MAN2B2: variants seen among roughly 807,000 people sequenced by gnomAD.
The protein encoded by MAN2B2 is mannosidase alpha class 2B member 2.
Under a neutral mutation model 117.1 loss-of-function variants are expected in MAN2B2, and 106 were observed. The observed-to-expected ratio is 0.90, with a 90% confidence interval of 0.77 to 1.06. MAN2B2 has a LOEUF of 1.06. MAN2B2 is among the 50% of genes least tolerant of loss of function. MAN2B2 has a pLI of 0.00. For missense variants in MAN2B2, 1,326 were observed against 1,381.4 expected, an observed-to-expected ratio of 0.96 and a Z score of 0.64; for synonymous variants, 544 against 595.1, an observed-to-expected ratio of 0.91 and a Z score of 1.25.
In MAN2B2 at chr4:6,596,956, G is replaced by T. The variant is rs138473066; in HGVS notation, c.1058-157G>T. 5.6e-4 allele frequency among the ~76,000 whole-genome samples: 86 copies of T among 152,282 alleles called. No individual in the cohort carries two copies. In the East Asian group the frequency reaches 0.015, roughly 26 times the overall value. On this transcript the variant is annotated intron_variant, in intron 7 of 18. Transcript: ENST00000285599. ...TGGGAGGAGGCCTGAGTTGGGAGCC[G>T]TAAGCCCTGGGCTCGCTGCCTGCCC...
At chr4:6,594,904 C>T (rs1046213185) in intron 7 of MAN2B2, among the ~76,000 whole-genome samples, 172 bp downstream of exon 7, 1 of 152,198 alleles carries the variant, frequency 6.6e-6, no homozygotes, top group Non-Finnish European at 1.5e-5. Flanking sequence ...GCTCACTCCA[C>T]CTGGACGTCC....
At chr4:6,605,911 CCATTCATT>C (rs35778667) in intron 11 of MAN2B2, among the ~76,000 whole-genome samples, 12 of 150,976 alleles carry the variant, frequency 7.9e-5, no homozygotes, top group South Asian at 4.2e-4. Flanking sequence ...ACCCAACCAC[CCATTCATT>C]CATTCATTCA....
intron 3 of MAN2B2, among the ~76,000 whole-genome samples, chr4:6,584,982 CCT>C (rs1282700715): frequency 4.6e-5 from 7 of 152,198 alleles, no homozygotes; most frequent in African/African-American, 1.7e-4. Flanking sequence ...GCTCCTGGCT[CCT>C]CTCAGTGCGG....
chr4:6,590,644 C>T (rs1379941512), intron 5 of MAN2B2, among the ~76,000 whole-genome samples: 1 of 152,222 alleles, frequency 6.6e-6, no homozygotes, highest in Non-Finnish European at 1.5e-5. Context: ...CTGCCTCTAT[C>T]CCGCCTGGGC....
intron 8 of MAN2B2, 121 bp from the exon 9 acceptor site, chr4:6,598,077 C>T: frequency 9.2e-7 from 1 of 1,084,428 alleles, no homozygotes; most frequent in Non-Finnish European, 1.3e-6. Context: ...CGGGGACTGC[C>T]CCCTTCTCCA....
intron 11 of MAN2B2, among the ~76,000 whole-genome samples, chr4:6,608,783 C>T (rs747269199): frequency 2.6e-5 from 4 of 152,138 alleles, no homozygotes; most frequent in Non-Finnish European, 2.9e-5. Flanking sequence ...GACAAAAGCC[C>T]GTTCCTGCAC....
intron 15 of MAN2B2, among the ~76,000 whole-genome samples, chr4:6,612,247 C>A (rs1711604729): frequency 1.3e-5 from 2 of 152,154 alleles, no homozygotes; most frequent in Non-Finnish European, 2.9e-5. Context: ...GAAGAGCAGC[C>A]CGGACCCAGG....
At chr4:6,595,426 A>G (rs1474975685) in intron 7 of MAN2B2, among the ~76,000 whole-genome samples, 1 of 152,216 alleles carries the variant, frequency 6.6e-6, no homozygotes, top group African/African-American at 2.4e-5. Flanking sequence ...AGTATACCAC[A>G]GAATGGGTCA....
chr4:6,579,145 CACCACCAT>C (rs1726241093), intron 3 of MAN2B2, among the ~76,000 whole-genome samples: 1 of 87,846 alleles, frequency 1.1e-5, no homozygotes, highest in Non-Finnish European at 2.5e-5. Flanking sequence ...CCACCATCAC[CACCACCAT>C]CACCATCACC....
At chr4:6,598,384 C>T (rs1727192720) in intron 9 of MAN2B2, 30 bp downstream of exon 9, 2 of 1,596,802 alleles carry the variant, frequency 1.3e-6, no homozygotes, top group South Asian at 1.1e-5. Context: ...GAGGCTGTGG[C>T]CCCTTTATGA....
At position 6,611,206 on chromosome 4, in the gene MAN2B2, A is replaced by C; in HGVS notation, c.2491A>C (p.Thr831Pro). ...GCTTCTGCTGGGATCCTGGTCCCTC[A>C]CCACTGCCCTGCGCCAGAGGAGCGC... ...LWLLLGSWSL[T>P]TALRQRSALA... is the part of the protein sequence containing the mutation. The change falls in exon 15 of 19, where the codon ACC (threonine) becomes CCC (proline). Residue 831 changes from threonine (T) to proline (P), a missense_variant. Coordinates refer to ENST00000285599, the MANE Select transcript of MAN2B2 (RefSeq NM_015274.3). 2 of 1,613,842 alleles carry C rather than the reference A, an allele frequency of 1.2e-6. No individual in the cohort carries two copies. The highest frequency in any genetic ancestry group is 1.7e-6 in the Non-Finnish European group (2 of 1,180,018).
intron 18 of MAN2B2, 36 bp from the exon 19 acceptor site, chr4:6,621,152 C>T (rs768131538): frequency 1.9e-6 from 3 of 1,539,536 alleles, no homozygotes; most frequent in Non-Finnish European, 2.7e-6. Flanking sequence ...GGAGGCATCC[C>T]AGGCCACACT....
chr4:6,611,346 G>C (rs1193093912), intron 15 of MAN2B2, 68 bp downstream of exon 15: 1 of 1,482,116 alleles, frequency 6.7e-7, no homozygotes, highest in African/African-American at 1.4e-5. Context: ...GGCGGGCCTT[G>C]GGAGGGGCCT....
intron 10 of MAN2B2, among the ~76,000 whole-genome samples, chr4:6,601,605 C>T (rs1577286821): frequency 6.6e-6 from 1 of 152,176 alleles, no homozygotes; most frequent in African/African-American, 2.4e-5. Flanking sequence ...AACCCGGGCT[C>T]GCTTCCTTGG....
At chr4:6,613,346 C>T (rs561160231) in intron 15 of MAN2B2, among the ~76,000 whole-genome samples, 11 of 152,054 alleles carry the variant, frequency 7.2e-5, no homozygotes, top group Middle Eastern at 3.4e-3. Context: ...CCCAGCACTT[C>T]GGGAGGGCAA....
At chr4:6,608,630 G>A (rs564514042) in intron 11 of MAN2B2, among the ~76,000 whole-genome samples, 75 of 152,304 alleles carry the variant, frequency 4.9e-4, no homozygotes, top group Non-Finnish European at 6.3e-4. Flanking sequence ...TTCCAGCCTC[G>A]GATGCCTCGG....
chr4:6,590,622 C>T lies in MAN2B2; in HGVS notation c.680+1462C>T, dbSNP rs113406827. ...CCTCCAAGCTCACCTGCCCTCAACC[C>T]CAGTGATCTCCCTGCCTCTATCCCG... On this transcript the variant is annotated intron_variant, in intron 5 of 18. Transcript: ENST00000285599. 5.5e-4 allele frequency among the ~76,000 whole-genome samples: 84 copies of T among 152,318 alleles called. 1 individual carries two copies. Among genetic ancestry groups the T allele is most frequent in the African/African-American group, 1.8e-3 (74 of 41,568 alleles).
chr4:6,579,485 C>T (rs1173777807), intron 3 of MAN2B2, among the ~76,000 whole-genome samples: 4 of 148,570 alleles, frequency 2.7e-5, no homozygotes, highest in Admixed American at 1.3e-4. Context: ...CCATCACTAC[C>T]ACTACCATCA....
chr4:6,598,140 G>A, intron 8 of MAN2B2, 58 bp from the exon 9 acceptor site: 2 of 1,571,514 alleles, frequency 1.3e-6, no homozygotes, highest in East Asian at 4.5e-5. Flanking sequence ...TGCCTTGTAG[G>A]TGCTTTGCAG....
Sources: allele counts gnomAD v4.1 joint callset (sites outside exome capture counted in the v4.1 genomes callset), GRCh38; gene constraint gnomAD v4.1.1; transcripts MANE v1.5; gene names NCBI Gene and HGNC (gene_info 2026-07-23, HGNC 2026-07-21).